FAF1: variants seen among roughly 807,000 people sequenced by gnomAD.
FAF1 encodes Fas associated factor 1.
Under a neutral mutation model 92.5 loss-of-function variants are expected in FAF1, and 25 were observed. The observed-to-expected ratio is 0.27, with a 90% CI of 0.20 to 0.38. FAF1 has a LOEUF of 0.38. Ranked by LOEUF, FAF1 falls within the 10% of genes least tolerant of loss-of-function variation. FAF1 has a pLI of 1.00. For missense variants in FAF1, 636 were observed against 793.3 expected, an observed-to-expected ratio of 0.80 and a Z score of 2.38; for synonymous variants, 234 against 273.2, an observed-to-expected ratio of 0.86 and a Z score of 1.42.
chr1:50,651,274 ACTT>A (rs1342261479), intron 8 of FAF1, among the ~76,000 whole-genome samples: 15 of 152,180 alleles, frequency 9.9e-5, no homozygotes, highest in South Asian at 6.2e-4. Flanking sequence ...TAGTTAATTA[ACTT>A]CTTTTTTAAA....
At chr1:50,758,809 G>A (rs1333799922) in intron 4 of FAF1, among the ~76,000 whole-genome samples, 2 of 151,958 alleles carry the variant, frequency 1.3e-5, no homozygotes, top group Admixed American at 1.3e-4. Flanking sequence ...CCTGGTGTGC[G>A]CTGCTTCTGA....
chr1:50,710,703 A>T (rs555106238), intron 6 of FAF1, among the ~76,000 whole-genome samples: 113 of 151,502 alleles, frequency 7.5e-4, no homozygotes, highest in African/African-American at 2.6e-3. Flanking sequence ...CCCGGGTTCA[A>T]GCGATTCTCC....
chr1:50,906,880 C>T lies in FAF1; in HGVS notation c.46-48883G>A, dbSNP rs556326333. Among the ~76,000 whole-genome samples the T allele has an allele frequency of 2.0e-5, 3 of 152,276 alleles. No homozygotes were observed. In the South Asian group the frequency reaches 6.2e-4, roughly 32 times the overall value. On this transcript the variant is annotated intron_variant, in intron 1 of 18. Transcript: ENST00000396153. ...ATTGAATCCCCTTTCTTTATTTCTC[C>T]TGCCTGGTTGCCCTGGCCAGAACTT...
chr1:50,443,477 G>A (rs1449585291), intron 18 of FAF1, among the ~76,000 whole-genome samples: 1 of 152,182 alleles, frequency 6.6e-6, no homozygotes, highest in East Asian at 1.9e-4. Context: ...CAAGACAGTG[G>A]AGATGATTAA....
At chr1:50,821,714 T>C (rs1644044591) in intron 2 of FAF1, among the ~76,000 whole-genome samples, 1 of 152,158 alleles carries the variant, frequency 6.6e-6, no homozygotes, top group African/African-American at 2.4e-5. Flanking sequence ...TGCTAATACA[T>C]CAAAAGTGCT....
chr1:50,498,288 A>G (rs1320206269), intron 15 of FAF1, among the ~76,000 whole-genome samples: 1 of 152,196 alleles, frequency 6.6e-6, no homozygotes, highest in Admixed American at 6.5e-5. Flanking sequence ...CAAATTTAAG[A>G]GCTAAAACCA....
intron 1 of FAF1, among the ~76,000 whole-genome samples, chr1:50,867,305 C>G (rs759992942): frequency 4.1e-4 from 63 of 152,054 alleles, no homozygotes; most frequent in South Asian, 1.0e-3. Flanking sequence ...AACACAAAAG[C>G]AAATGGAACA....
chr1:50,948,448 C>A (rs776797368), intron 1 of FAF1, among the ~76,000 whole-genome samples: 6 of 152,096 alleles, frequency 3.9e-5, no homozygotes, highest in African/African-American at 7.2e-5. Flanking sequence ...CACAGTCAAC[C>A]CAGACTATCA....
chr1:50,779,690 A>T (rs1661091659), intron 4 of FAF1, among the ~76,000 whole-genome samples: 1 of 152,006 alleles, frequency 6.6e-6, no homozygotes, highest in Non-Finnish European at 1.5e-5. Context: ...GAAGTAAAAG[A>T]GTATTTGTAT....
In FAF1 at chr1:50,711,858, T is replaced by A. The variant is rs576992523; in HGVS notation, c.552-5967A>T. Among the ~76,000 whole-genome samples, 3 of 152,194 alleles carry A rather than the reference T, an allele frequency of 2.0e-5. No individual in the cohort carries two copies. In the South Asian group the frequency reaches 6.2e-4, roughly 31 times the overall value. On this transcript the variant is annotated intron_variant, in intron 6 of 18. Coordinates refer to ENST00000396153, the MANE Select transcript of FAF1 (RefSeq NM_007051.3). The stretch of plus-strand genomic sequence containing the variant: ...TGTTTGGAGAAGTCAGATAAGGGTA[T>A]TATCTTTAAACTTAGACTCTAGCCT...
intron 8 of FAF1, among the ~76,000 whole-genome samples, chr1:50,643,272 G>T (rs1557451960): frequency 6.6e-6 from 1 of 150,790 alleles, no homozygotes; most frequent in Non-Finnish European, 1.5e-5. Flanking sequence ...GATTACCTTT[G>T]ATTAACAGTA....
In FAF1 at chr1:50,568,153, A is replaced by G. The variant is rs146838994; in HGVS notation, c.1114-922T>C. Among the ~76,000 whole-genome samples the G allele has an allele frequency of 3.2e-3, 482 of 152,236 alleles. 3 individuals carry two copies. The highest frequency in any genetic ancestry group is 6.8e-3 in the Middle Eastern group (2 of 294). ...AATTGTTGACTAACTTCTTGGTACTACCTCAAAGAAGAGCTGAGTTTAACA... is the reference window on the plus strand; with the variant it reads ...AATTGTTGACTAACTTCTTGGTACTGCCTCAAAGAAGAGCTGAGTTTAACA... On this transcript the variant is annotated intron_variant, in intron 12 of 18. Coordinates refer to ENST00000396153, the MANE Select transcript of FAF1 (RefSeq NM_007051.3).
intron 8 of FAF1, among the ~76,000 whole-genome samples, chr1:50,618,853 A>G (rs1419797279): frequency 2.6e-5 from 4 of 150,964 alleles, no homozygotes; most frequent in African/African-American, 7.3e-5. Context: ...GGTTCCAGCG[A>G]TTCTTCTGCC....
intron 18 of FAF1, among the ~76,000 whole-genome samples, chr1:50,447,120 G>GATTTTTT (rs1646236610): frequency 7.5e-6 from 1 of 133,728 alleles, no homozygotes; most frequent in African/African-American, 2.9e-5. Context: ...ACATATTCCT[G>GATTTTTT]CTTTTTTTTT....
intron 8 of FAF1, among the ~76,000 whole-genome samples, chr1:50,620,901 C>T (rs981644144): frequency 1.3e-5 from 2 of 152,358 alleles, no homozygotes; most frequent in Non-Finnish European, 2.9e-5. Context: ...CTTGGGGGTG[C>T]CCCCTCCAGT....
At chr1:50,650,382 G>T (rs943589713) in intron 8 of FAF1, among the ~76,000 whole-genome samples, 64 of 151,984 alleles carry the variant, frequency 4.2e-4, no homozygotes, top group Admixed American at 2.7e-3. Flanking sequence ...CCGAGGTGAG[G>T]ATCACTTGAG....
chr1:50,574,896 C>CTGTTTTTTTTTTTTTTTTTTTTTTTTTTT (rs1558000811), intron 12 of FAF1, among the ~76,000 whole-genome samples: 4 of 122,884 alleles, frequency 3.3e-5, no homozygotes, highest in African/African-American at 1.3e-4. Flanking sequence ...GTTGTATTAA[C>CTGTTTTTTTTTTTTTTTTTTTTTTTTTTT]TCTTTTTTTT....
chr1:50,728,472 A>AT (rs981256755), intron 6 of FAF1, among the ~76,000 whole-genome samples: 1 of 152,120 alleles, frequency 6.6e-6, no homozygotes, highest in African/African-American at 2.4e-5. Context: ...AGGAACTTGG[A>AT]TTTTTATTAG....
intron 4 of FAF1, among the ~76,000 whole-genome samples, chr1:50,745,518 C>T (rs1302980188): frequency 2.0e-5 from 3 of 152,020 alleles, no homozygotes; most frequent in Non-Finnish European, 4.4e-5. Context: ...TCATAGGGGG[C>T]TGATTTCCCT....
Sources: allele counts gnomAD v4.1 joint callset (sites outside exome capture counted in the v4.1 genomes callset), GRCh38; gene constraint gnomAD v4.1.1; transcripts MANE v1.5; gene names NCBI Gene and HGNC (gene_info 2026-07-23, HGNC 2026-07-21).